CSMD3: variants seen among roughly 807,000 people sequenced by gnomAD.
CSMD3 encodes CUB and Sushi multiple domains 3, also known as CUB and sushi domain-containing protein 3.
CSMD3 carries 177 observed loss-of-function variants against 435.2 expected under a neutral mutation model. The ratio of observed to expected loss-of-function variants is 0.41; its 90% CI spans 0.36 to 0.46. CSMD3 has a LOEUF of 0.46. Ranked by LOEUF, CSMD3 falls within the 20% of genes least tolerant of loss-of-function variation. CSMD3 has a pLI of 0.34. For synonymous variants in CSMD3, 1,656 were observed against 1,520.5 expected (o/e 1.09, Z -2.07); for missense variants, 4,265 against 4,504.6 (o/e 0.95, Z 1.52).
At chr8:112,348,772 T>C (rs927794029) in intron 40 of CSMD3, among the ~76,000 whole-genome samples, 6 of 152,042 alleles carry the variant, frequency 3.9e-5, no homozygotes, top group South Asian at 2.1e-4. Context: ...ATTTTTCTAA[T>C]TTAGTTTATA....
intron 13 of CSMD3, among the ~76,000 whole-genome samples, chr8:112,755,355 T>C (rs149312897): frequency 0.33 from 49,113 of 147,048 alleles, 9,113 homozygotes; most frequent in African/African-American, 0.5. Flanking sequence ...ATAATAATAA[T>C]AATAATAATA....
chr8:112,795,627 A>C (rs1056133148), intron 13 of CSMD3, among the ~76,000 whole-genome samples: 36 of 152,112 alleles, frequency 2.4e-4, no homozygotes, highest in African/African-American at 8.2e-4. Flanking sequence ...GATGAAGACA[A>C]ATATGCTGAG....
At chr8:112,382,145 G>T (rs1829518685) in intron 37 of CSMD3, among the ~76,000 whole-genome samples, 1 of 151,898 alleles carries the variant, frequency 6.6e-6, no homozygotes, top group East Asian at 1.9e-4. Context: ...ATTAATTGGG[G>T]TTGTGGTATG....
chr8:112,292,205 C>A (rs1411368902), intron 55 of CSMD3, among the ~76,000 whole-genome samples: 2 of 151,958 alleles, frequency 1.3e-5, no homozygotes, highest in African/African-American at 4.8e-5. Flanking sequence ...AAGCAAATTG[C>A]AAGTAAAAAT....
At chr8:113,360,859 C>T (rs529203096) in intron 1 of CSMD3, among the ~76,000 whole-genome samples, 1 of 152,234 alleles carries the variant, frequency 6.6e-6, no homozygotes, top group Non-Finnish European at 1.5e-5. Flanking sequence ...AGGCGTGAGC[C>T]ACCGCGCCCG....
At chr8:113,038,043 A>G (rs1463693990) in intron 5 of CSMD3, among the ~76,000 whole-genome samples, 1 of 152,170 alleles carries the variant, frequency 6.6e-6, no homozygotes, top group Non-Finnish European at 1.5e-5. Flanking sequence ...GTTCCACTCA[A>G]TGGCTCAAAC....
Position 112,289,532 on chromosome 8 carries a change from T to A in CSMD3, c.8981A>T (p.Asp2994Val). ...DKPLPECIMI[D>V]CGHPGVPPNA... ...AGGAGGAACGCCAGGGTGTCCACAG[T>A]CAATCACTACAATACATAATTATTA... Residue 2994 changes from aspartate (D) to valine (V), a missense_variant, in exon 57 of 71, where the codon GAC (aspartate) becomes GTC (valine). Asp to Val is a radical substitution (Grantham distance 152, BLOSUM62 -3). Transcript: ENST00000297405. 1 of 1,607,372 alleles carries A rather than the reference T, an allele frequency of 6.2e-7. No homozygotes were observed. Among genetic ancestry groups the A allele is most frequent in the Non-Finnish European group, 8.5e-7 (1 of 1,174,968 alleles).
chr8:112,779,087 G>A (rs572312960), intron 13 of CSMD3, among the ~76,000 whole-genome samples: 35 of 151,692 alleles, frequency 2.3e-4, no homozygotes, highest in African/African-American at 8.2e-4. Context: ...TTTTTTATAA[G>A]ATGTGTCTTT....
intron 32 of CSMD3, among the ~76,000 whole-genome samples, chr8:112,432,004 T>G (rs192476227): frequency 3.0e-3 from 456 of 152,210 alleles, no homozygotes; most frequent in African/African-American, 0.011. Flanking sequence ...TTTACTTTCC[T>G]TTCACCTCTC....
chr8:113,132,705 G>T (rs892717644), intron 4 of CSMD3, among the ~76,000 whole-genome samples: 1 of 151,936 alleles, frequency 6.6e-6, no homozygotes, highest in African/African-American at 2.4e-5. Flanking sequence ...CTTTCCCAAA[G>T]AATAAAAATA....
chr8:112,928,822 C>A (rs1474540178), intron 9 of CSMD3, among the ~76,000 whole-genome samples: 3 of 149,498 alleles, frequency 2.0e-5, no homozygotes, highest in African/African-American at 7.3e-5. Context: ...ATGGCTGGGT[C>A]AAATGGTATT....
At chr8:112,904,195 G>T (rs1257910258) in intron 10 of CSMD3, among the ~76,000 whole-genome samples, 4 of 151,370 alleles carry the variant, frequency 2.6e-5, no homozygotes, top group Non-Finnish European at 5.9e-5. Context: ...ATCAATAAAA[G>T]ACATTCAAGA....
At chr8:112,678,219 A>G (rs889595936) in intron 16 of CSMD3, among the ~76,000 whole-genome samples, 3 of 152,096 alleles carry the variant, frequency 2.0e-5, no homozygotes, top group Non-Finnish European at 4.4e-5. Context: ...ACTCAGATTC[A>G]CCAAAACTAC....
chr8:112,281,455 T>C (rs933656580), intron 58 of CSMD3, 105 bp from the exon 59 acceptor site: 2 of 862,652 alleles, frequency 2.3e-6, no homozygotes, highest in African/African-American at 1.7e-5. Context: ...AAAGAAGCAA[T>C]AAAAACTTCT....
chr8:112,916,222 A>G (rs1032454344), intron 10 of CSMD3, among the ~76,000 whole-genome samples: 2 of 151,916 alleles, frequency 1.3e-5, no homozygotes, highest in Admixed American at 1.3e-4. Context: ...GGCAAAATGT[A>G]TAGAATGTAT....
chr8:112,917,862 G>T (rs1333021664), intron 10 of CSMD3, among the ~76,000 whole-genome samples: 1 of 151,900 alleles, frequency 6.6e-6, no homozygotes, highest in Non-Finnish European at 1.5e-5. Context: ...TTCCCCAGAT[G>T]TGTCAATTCA....
chr8:112,833,979 A>T lies in CSMD3; in HGVS notation c.1756-4190T>A, dbSNP rs561840456. Among the ~76,000 whole-genome samples the T allele has an allele frequency of 1.1e-4, 16 of 152,112 alleles. No homozygotes were observed. In the East Asian group the frequency reaches 3.1e-3, roughly 29 times the overall value. On this transcript the variant is annotated intron_variant, in intron 11 of 70. Coordinates refer to ENST00000297405, the MANE Select transcript of CSMD3 (RefSeq NM_198123.2). Reference sequence around the variant, plus strand: ...AAAGTCTAATAGGCTAGTGGATACAAATTAGGTAAATGACTGCCTAATTGA... The same window carrying T: ...AAAGTCTAATAGGCTAGTGGATACATATTAGGTAAATGACTGCCTAATTGA...
At chr8:112,587,378 A>C in intron 22 of CSMD3, 143 bp from the exon 23 acceptor site, 4 of 637,200 alleles carry the variant, frequency 6.3e-6, no homozygotes, top group Non-Finnish European at 1.1e-5. Context: ...TTATGTTGTA[A>C]ATGATTAATT....
chr8:112,224,548 G>T lies in CSMD3; in HGVS notation c.*223C>A. 1.7e-6 allele frequency: 1 copy of T among 579,210 alleles called. No homozygotes were observed. Among genetic ancestry groups the T allele is most frequent in the East Asian group, 2.9e-5 (1 of 34,058 alleles). 35.9% of individuals were successfully genotyped at this position (579,210 alleles called of 1,614,324 possible). A position where few individuals can be genotyped will look rare whatever the true frequency, so the allele number is the denominator to read the frequency against. ...TTTAAAAAAAGCAAATAAACTGTGA[G>T]TAAGCACTCTCAGAGTGCAGCCAAA... On this transcript the variant is annotated 3_prime_UTR_variant, in exon 71 of 71. Transcript: ENST00000297405.
Sources: allele counts gnomAD v4.1 joint callset (sites outside exome capture counted in the v4.1 genomes callset), GRCh38; gene constraint gnomAD v4.1.1; transcripts MANE v1.5; gene names NCBI Gene and HGNC (gene_info 2026-07-23, HGNC 2026-07-21).